MTA3: variants seen among roughly 807,000 people sequenced by gnomAD.
MTA3 encodes the protein metastasis associated 1 family member 3.
MTA3 carries 34 observed loss-of-function variants against 83.5 expected under a neutral mutation model. That is an observed-to-expected ratio of 0.41 (90% confidence interval 0.31 to 0.54). MTA3 has a LOEUF of 0.54. Ranked by LOEUF, MTA3 falls within the 20% of genes least tolerant of loss-of-function variation. The pLI is 0.33. For missense variants in MTA3, 761 were observed against 726.4 expected (o/e 1.05, Z -0.55); for synonymous variants, 303 against 252.7 (o/e 1.20, Z -1.89).
chr2:42,510,913 G>A (rs1010052006), intron 2 of MTA3, among the ~76,000 whole-genome samples: 1 of 152,178 alleles, frequency 6.6e-6, no homozygotes, highest in African/African-American at 2.4e-5. Flanking sequence ...CTGAATGGAA[G>A]TTCCCCACTG....
intron 2 of MTA3, among the ~76,000 whole-genome samples, chr2:42,551,189 T>C (rs1677094411): frequency 6.6e-6 from 1 of 151,924 alleles, no homozygotes; most frequent in Non-Finnish European, 1.5e-5. Context: ...TTTTTTTTTT[T>C]GTTTGTTTGT....
chr2:42,640,305 TTA>T, intron 5 of MTA3, 69 bp downstream of exon 5: 3 of 1,105,200 alleles, frequency 2.7e-6, no homozygotes, highest in Non-Finnish European at 3.9e-6. Context: ...TCCTTGGAAT[TTA>T]TTTCTTTTTG....
chr2:42,543,569 T>C (rs1572954555), intron 2 of MTA3, among the ~76,000 whole-genome samples: 1 of 151,872 alleles, frequency 6.6e-6, no homozygotes, highest in African/African-American at 2.4e-5. Context: ...TGCAACAGCC[T>C]GGAACTCCTG....
At chr2:42,611,834 GAGAT>G (rs1684257877) in intron 4 of MTA3, among the ~76,000 whole-genome samples, 1 of 152,086 alleles carries the variant, frequency 6.6e-6, no homozygotes, top group Admixed American at 6.6e-5. Context: ...ATAAATAGGT[GAGAT>G]AGATAAATAG....
chr2:42,499,775 G>A (rs7581716), intron 2 of MTA3, among the ~76,000 whole-genome samples: 81,820 of 133,782 alleles, frequency 0.61, 22,545 homozygotes, highest in South Asian at 0.68. Flanking sequence ...GCAACAGAGG[G>A]AAAAAAAAAA....
intron 6 of MTA3, among the ~76,000 whole-genome samples, chr2:42,650,183 G>A (rs1382145061): frequency 6.6e-6 from 1 of 152,146 alleles, no homozygotes; most frequent in African/African-American, 2.4e-5. Context: ...CAGCCATAGG[G>A]CAATTTTGTC....
At chr2:42,571,871 T>TG (rs1558445361) in intron 2 of MTA3, among the ~76,000 whole-genome samples, 1 of 150,778 alleles carries the variant, frequency 6.6e-6, no homozygotes, top group African/African-American at 2.4e-5. Flanking sequence ...TGCTTGAACC[T>TG]GGGAGGCATA....
intron 6 of MTA3, among the ~76,000 whole-genome samples, chr2:42,652,895 T>C (rs774779398): frequency 5.9e-5 from 9 of 152,152 alleles, no homozygotes; most frequent in Non-Finnish European, 1.0e-4. Context: ...TTACATATAA[T>C]ATAAAAAGTA....
intron 2 of MTA3, among the ~76,000 whole-genome samples, chr2:42,552,899 G>A (rs1348936668): frequency 6.6e-6 from 1 of 151,220 alleles, no homozygotes; most frequent in Non-Finnish European, 1.5e-5. Context: ...GCATTGAGCC[G>A]AGATCGCGCC....
intron 3 of MTA3, among the ~76,000 whole-genome samples, chr2:42,597,693 T>A (rs1458464667): frequency 2.2e-5 from 3 of 133,466 alleles, no homozygotes; most frequent in Non-Finnish European, 4.9e-5. Context: ...TGTTTTTTTT[T>A]TTTTTGAGAT....
At chr2:42,558,982 C>T (rs1305832417) in intron 2 of MTA3, among the ~76,000 whole-genome samples, 1 of 152,064 alleles carries the variant, frequency 6.6e-6, no homozygotes, top group Non-Finnish European at 1.5e-5. Flanking sequence ...CCTTTGCTCT[C>T]AATGTTGGCT....
At chr2:42,557,648 T>C (rs1677463340) in intron 2 of MTA3, among the ~76,000 whole-genome samples, 1 of 152,160 alleles carries the variant, frequency 6.6e-6, no homozygotes, top group African/African-American at 2.4e-5. Flanking sequence ...TCCAAAAATT[T>C]ACAGAGATAA....
At chr2:42,684,109 T>C (rs1300521105) in intron 9 of MTA3, among the ~76,000 whole-genome samples, 1 of 152,230 alleles carries the variant, frequency 6.6e-6, no homozygotes, top group Non-Finnish European at 1.5e-5. Context: ...TCATCTTGTC[T>C]AACTATAGTA....
intron 1 of MTA3, among the ~76,000 whole-genome samples, 198 bp downstream of exon 1, chr2:42,568,971 G>C (rs1050955793): frequency 6.6e-6 from 1 of 151,648 alleles, no homozygotes; most frequent in Non-Finnish European, 1.5e-5. Flanking sequence ...GGGCTCGCGA[G>C]GGCCCGGGGC....
In MTA3 at chr2:42,753,841, T is replaced by C. The variant is rs552431958; in HGVS notation, c.*442T>C. The C allele has an allele frequency of 8.8e-5, 87 of 991,542 alleles. No homozygotes were observed. The African/African-American group carries it at 1.5e-3, about 17-fold the overall frequency. 61.4% of individuals were successfully genotyped at this position (991,542 alleles called of 1,614,324 possible). A position where few individuals can be genotyped will look rare whatever the true frequency, so the allele number is the denominator to read the frequency against. ...ATATGTACAGGAGGGCCATGGCATC[T>C]TTCTGAATGGATTTTTCTTAAGAAA... On this transcript the variant is annotated 3_prime_UTR_variant, in exon 17 of 17. Coordinates refer to ENST00000405094, the MANE Select transcript of MTA3 (RefSeq NM_001330442.2).
At chr2:42,643,086 G>A (rs1687850655) in intron 5 of MTA3, among the ~76,000 whole-genome samples, 1 of 117,418 alleles carries the variant, frequency 8.5e-6, no homozygotes, top group South Asian at 2.9e-4. Context: ...CTTTTTTCCT[G>A]ACAGTGAACA....
At chr2:42,687,578 G>A (rs747270724) in intron 9 of MTA3, among the ~76,000 whole-genome samples, 38 of 152,152 alleles carry the variant, frequency 2.5e-4, no homozygotes, top group Non-Finnish European at 4.6e-4. Context: ...TATGAGCCGT[G>A]GGGTTGCTGG....
chr2:42,594,782 A>AGTGGT (rs1553353622), intron 3 of MTA3, among the ~76,000 whole-genome samples: 4 of 120,402 alleles, frequency 3.3e-5, no homozygotes, highest in Admixed American at 2.0e-4. Flanking sequence ...GCTGGAGTCC[A>AGTGGT]GTGGCGCGAT....
chr2:42,727,085 A>G (rs973591748), intron 16 of MTA3, among the ~76,000 whole-genome samples: 1 of 152,170 alleles, frequency 6.6e-6, no homozygotes, highest in Admixed American at 6.5e-5. Context: ...AGTTCTAGCT[A>G]CTTGGCGGGG....
Sources: allele counts gnomAD v4.1 joint callset (sites outside exome capture counted in the v4.1 genomes callset), GRCh38; gene constraint gnomAD v4.1.1; transcripts MANE v1.5; gene names NCBI Gene and HGNC (gene_info 2026-07-23, HGNC 2026-07-21).